MGAT4C: variants seen among roughly 807,000 people sequenced by gnomAD.
MGAT4C encodes the protein MGAT4 family member C.
A neutral mutation model predicts 40.1 loss-of-function variants in MGAT4C; 19 were observed. The ratio of observed to expected loss-of-function variants is 0.47; its 90% CI spans 0.33 to 0.70. The LOEUF is 0.70. MGAT4C is among the 30% of genes least tolerant of loss of function. The probability of loss-of-function intolerance (pLI) is 0.02; values close to 1 mark genes in which losing one functional copy is unlikely to be tolerated. For missense variants in MGAT4C, 491 were observed against 563.2 expected, an observed-to-expected ratio of 0.87 and a Z score of 1.30; for synonymous variants, 181 against 187.1, an observed-to-expected ratio of 0.97 and a Z score of 0.27.
chr12:86,652,868 T>C (rs1320507174), intron 2 of MGAT4C, among the ~76,000 whole-genome samples: 2 of 151,932 alleles, frequency 1.3e-5, no homozygotes, highest in East Asian at 3.9e-4. Flanking sequence ...CTATTTCACT[T>C]AAACTCATTT....
chr12:86,657,996 A>C (rs1243267654), intron 2 of MGAT4C, among the ~76,000 whole-genome samples: 1 of 152,002 alleles, frequency 6.6e-6, no homozygotes, highest in Non-Finnish European at 1.5e-5. Flanking sequence ...AAGAAAGCTT[A>C]TTAAGAATTA....
chr12:86,174,110 GACACACACACACATAC>G (rs893809428), intron 1 of MGAT4C, among the ~76,000 whole-genome samples: 4 of 92,288 alleles, frequency 4.3e-5, no homozygotes, highest in Non-Finnish European at 8.7e-5. Flanking sequence ...TACCAAAAAA[GACACACACACACATAC>G]ACACACACAC....
At chr12:86,002,164 A>G (rs1887384631) in intron 2 of MGAT4C, 1 of 151,984 alleles carries the variant, frequency 6.6e-6, no homozygotes, top group Admixed American at 6.6e-5. Flanking sequence ...TAGGTCTCCT[A>G]TTTCCATCAT....
chr12:86,337,604 A>T (rs1487895727), intron 3 of MGAT4C, among the ~76,000 whole-genome samples: 1 of 151,954 alleles, frequency 6.6e-6, no homozygotes, highest in Non-Finnish European at 1.5e-5. Context: ...AAAAAAAAAA[A>T]AAGTTGGGAA....
chr12:86,540,032 C>A (rs968031959), intron 2 of MGAT4C, among the ~76,000 whole-genome samples: 1 of 152,156 alleles, frequency 6.6e-6, no homozygotes, highest in Non-Finnish European at 1.5e-5. Flanking sequence ...TTAATTAGAT[C>A]CCATTTGTCA....
chr12:86,194,622 T>C (rs951822443), intron 1 of MGAT4C, among the ~76,000 whole-genome samples: 9 of 103,974 alleles, frequency 8.7e-5, no homozygotes, highest in African/African-American at 4.0e-4. Flanking sequence ...GCCCAACTAA[T>C]TTTTTTTTTT....
chr12:86,493,930 A>C (rs1283462492), intron 2 of MGAT4C, among the ~76,000 whole-genome samples: 1 of 152,112 alleles, frequency 6.6e-6, no homozygotes, highest in Non-Finnish European at 1.5e-5. Context: ...AACATCTCTG[A>C]AAATGTTGCG....
intron 2 of MGAT4C, among the ~76,000 whole-genome samples, chr12:86,616,173 C>T (rs1466851236): frequency 6.6e-6 from 1 of 152,016 alleles, no homozygotes; most frequent in African/African-American, 2.4e-5. Flanking sequence ...GTATAGCATC[C>T]ATATTTGTTG....
At chr12:86,633,338 C>T (rs1429712717) in intron 2 of MGAT4C, among the ~76,000 whole-genome samples, 1 of 151,914 alleles carries the variant, frequency 6.6e-6, no homozygotes. Flanking sequence ...TCATTTTTGT[C>T]ATTTAGGTAT....
chr12:86,230,564 A>C (rs998825072), intron 1 of MGAT4C, among the ~76,000 whole-genome samples: 3 of 152,158 alleles, frequency 2.0e-5, no homozygotes, highest in African/African-American at 7.2e-5. Flanking sequence ...GTCCAGTGTA[A>C]GTTGATCTAA....
chr12:86,405,963 TTATA>T (rs1956462318), intron 3 of MGAT4C, among the ~76,000 whole-genome samples: 1 of 100,986 alleles, frequency 9.9e-6, no homozygotes, highest in Non-Finnish European at 1.9e-5. Context: ...TGTATTTATA[TTATA>T]CATATATATA....
intron 1 of MGAT4C, among the ~76,000 whole-genome samples, chr12:86,140,747 T>C (rs1222120826): frequency 6.6e-6 from 1 of 152,188 alleles, no homozygotes; most frequent in Non-Finnish European, 1.5e-5. Flanking sequence ...TGTTCACAAA[T>C]TTATTTAGAG....
chr12:86,305,905 CACTT>C (rs1212458719), intron 4 of MGAT4C, among the ~76,000 whole-genome samples: 3 of 150,420 alleles, frequency 2.0e-5, no homozygotes, highest in Non-Finnish European at 4.4e-5. Flanking sequence ...GGGGTGACTG[CACTT>C]ACTTACTTTT....
intron 2 of MGAT4C, among the ~76,000 whole-genome samples, chr12:86,443,955 A>G (rs1957286800): frequency 6.6e-6 from 1 of 152,134 alleles, no homozygotes. Flanking sequence ...CTTCTTATTC[A>G]TATAAGTTAC....
chr12:86,662,601 C>T lies in MGAT4C; in HGVS notation c.-229+64608G>A, dbSNP rs762793032. 3.3e-4 allele frequency among the ~76,000 whole-genome samples: 50 copies of T among 151,998 alleles called. 1 individual carries two copies. Among genetic ancestry groups the T allele is most frequent in the Non-Finnish European group, 4.9e-4 (33 of 68,006 alleles). On this transcript the variant is annotated intron_variant, in intron 2 of 7. Transcript: ENST00000548651. ...CTGATTGTGATTTTTTTTCATGTCT[C>T]AGATCCTCAAACCTCTAATATGTAA...
At chr12:86,339,719 T>TAC (rs1954868553) in intron 3 of MGAT4C, among the ~76,000 whole-genome samples, 1 of 152,068 alleles carries the variant, frequency 6.6e-6, no homozygotes, top group Admixed American at 6.6e-5. Context: ...TTATAGTATA[T>TAC]ACACACACAC....
intron 1 of MGAT4C, among the ~76,000 whole-genome samples, chr12:86,103,786 G>T (rs1034111220): frequency 6.6e-6 from 1 of 151,988 alleles, no homozygotes; most frequent in East Asian, 1.9e-4. Context: ...AGCCATAGTC[G>T]ATTAGGCGAC....
rs1882893941 is a variant in MGAT4C at position 85,957,860 on chromosome 12, A to G, written c.*21429T>C. The G allele has an allele frequency of 6.6e-6, 1 of 151,928 alleles. No individual in the cohort carries two copies. The highest frequency in any genetic ancestry group is 1.5e-5 in the Non-Finnish European group (1 of 67,958). The allele number at this position is 151,928 out of a possible 1,614,324, so 9.4% of individuals were successfully genotyped here. A position where few individuals can be genotyped will look rare whatever the true frequency, so the allele number is the denominator to read the frequency against. Reference sequence around the variant, plus strand: ...TAGGTAATGGGAACCACCTTTATTTATTGGCTTTTGTTGCTTTTTCTCCAA... The same window carrying G: ...TAGGTAATGGGAACCACCTTTATTTGTTGGCTTTTGTTGCTTTTTCTCCAA... On this transcript the variant is annotated 3_prime_UTR_variant, in exon 5 of 5. Coordinates refer to ENST00000611864, the MANE Select transcript of MGAT4C (RefSeq NM_001351288.2).
At chr12:86,818,517 A>C (rs1378494206) in intron 1 of MGAT4C, among the ~76,000 whole-genome samples, 1 of 151,118 alleles carries the variant, frequency 6.6e-6, no homozygotes, top group Non-Finnish European at 1.5e-5. Context: ...AGAATTAGAC[A>C]AAGTGGAGAG....
Sources: gnomAD v4.1 joint callset for allele counts (sites outside exome capture counted in the v4.1 genomes callset) on GRCh38, gnomAD v4.1.1 for gene constraint, MANE v1.5 for transcripts, NCBI Gene and HGNC (gene_info 2026-07-23, HGNC 2026-07-21) for gene names.